The following BCAS3 variants were observed in gnomAD, a reference collection of about 807,000 sequenced individuals.
The protein encoded by BCAS3 is BCAS4/BCAS3 fusion.
In BCAS3, 53 loss-of-function variants were observed where a neutral mutation model predicts 116.1. The observed-to-expected ratio is 0.46, with a 90% CI of 0.37 to 0.57. The LOEUF (loss-of-function observed/expected upper bound fraction) is 0.57. Among genes scored for constraint, BCAS3 ranks in the 20% least tolerant of loss-of-function variants. BCAS3 has a pLI of 0.00. For synonymous variants in BCAS3, 391 were observed against 408.2 expected (o/e 0.96, Z 0.51); for missense variants, 917 against 1,165.4 (o/e 0.79, Z 3.10).
rs1052985411 is a variant in BCAS3, at chr17:61,208,446, C to A, written c.2425+123882C>A. Among the ~76,000 whole-genome samples the A allele has an allele frequency of 6.6e-6, 1 of 152,068 alleles. No homozygotes were observed. The highest frequency in any genetic ancestry group is 6.6e-5 in the Admixed American group (1 of 15,258). On this transcript the variant is annotated intron_variant, in intron 22 of 23. Transcript: ENST00000407086. The surrounding 1 kb of genome is among the most constrained non-coding windows in gnomAD (Gnocchi z 4.5). ...AGAAATGAAATGTGCTAGTAAGTGTCGTTAAAAAACTGAGAGTTTTTCTTC... is the reference window on the plus strand; with the variant it reads ...AGAAATGAAATGTGCTAGTAAGTGTAGTTAAAAAACTGAGAGTTTTTCTTC...
chr17:60,968,833 C>A (rs1440627612), intron 14 of BCAS3, among the ~76,000 whole-genome samples: 1 of 152,120 alleles, frequency 6.6e-6, no homozygotes, highest in Non-Finnish European at 1.5e-5. Context: ...TCTAGCCTCC[C>A]CACTTTGTCT....
chr17:61,391,920 G>GC lies in BCAS3; in HGVS notation c.2594-52dup, dbSNP rs2060152268. On this transcript the variant is annotated intron_variant, in intron 23 of 23. Coordinates refer to ENST00000407086, the MANE Select transcript of BCAS3 (RefSeq NM_017679.5). This position sits in a 1 kb window ranked among gnomAD's most constrained non-coding sequence, Gnocchi z 7.7. The stretch of plus-strand genomic sequence containing the variant: ...AGGCAGGCAGCCTGGCCCAGATGGT[G>GC]CCCCCACTCCCCAGACCCAACTCTA... 6.3e-7 allele frequency: 1 copy of GC among 1,575,752 alleles called. No individual in the cohort carries two copies. Among genetic ancestry groups the GC allele is most frequent in the African/African-American group, 1.4e-5 (1 of 73,998 alleles).
chr17:61,170,741 A>G (rs2144114333), intron 22 of BCAS3, among the ~76,000 whole-genome samples: 1 of 152,322 alleles, frequency 6.6e-6, no homozygotes, highest in East Asian at 1.9e-4. Flanking sequence ...GGTGGAGTGC[A>G]GCAGTCTTCA....
Position 61,055,834 on chromosome 17 carries a change from A to AT in BCAS3, c.2029+14945dup, listed in dbSNP as rs369676432. Reference sequence around the variant, plus strand: ...TTTTAAAAAATTGCCGTGTTTTTCCATTTATTTTCTAGAAATGATTTGCCT... The same window carrying AT: ...TTTTAAAAAATTGCCGTGTTTTTCCATTTTATTTTCTAGAAATGATTTGCCT... On this transcript the variant is annotated intron_variant, in intron 19 of 23. Transcript: ENST00000407086. 1.7e-3 allele frequency among the ~76,000 whole-genome samples: 255 copies of AT among 152,044 alleles called. 1 individual carries two copies. Among genetic ancestry groups the AT allele is most frequent in the African/African-American group, 5.3e-3 (221 of 41,462 alleles).
At position 61,068,673 on chromosome 17, in the gene BCAS3, A is replaced by T. The variant is rs1412092433; in HGVS notation, c.2030-6247A>T. On this transcript the variant is annotated intron_variant, in intron 19 of 23. Transcript: ENST00000407086. This position sits in a 1 kb window ranked among gnomAD's most constrained non-coding sequence, Gnocchi z 4.3. ...TAACTCTGCCCAAGATTGAAGACAT[A>T]AGTTTTCACCGCCATTGGTCCCTAA... Among the ~76,000 whole-genome samples, 1 of 152,104 alleles carries T rather than the reference A, an allele frequency of 6.6e-6. No individual in the cohort carries two copies. Among genetic ancestry groups the T allele is most frequent in the Non-Finnish European group, 1.5e-5 (1 of 68,022 alleles).
chr17:60,963,460 C>T (rs1282854382), intron 14 of BCAS3, among the ~76,000 whole-genome samples: 1 of 151,318 alleles, frequency 6.6e-6, no homozygotes, highest in Non-Finnish European at 1.5e-5. Context: ...AGATTGAGAC[C>T]TAGGAATTTT....
In BCAS3 at chr17:60,677,858, G is replaced by T. The variant is rs999618026; in HGVS notation, c.-62G>T. 6.5e-6 allele frequency: 1 copy of T among 153,302 alleles called. No homozygotes were observed. Among genetic ancestry groups the T allele is most frequent in the African/African-American group, 2.4e-5 (1 of 41,472 alleles). 9.5% of individuals were successfully genotyped at this position (153,302 alleles called of 1,614,324 possible). A position where few individuals can be genotyped will look rare whatever the true frequency, so the allele number is the denominator to read the frequency against. On this transcript the variant is annotated 5_prime_UTR_variant, in exon 1 of 24. Coordinates refer to ENST00000407086, the MANE Select transcript of BCAS3 (RefSeq NM_017679.5). ...AAGTGGCTGCCGTCAATCACTCGGG[G>T]AGACTCCAAACAGTGAGCCTAGAGC...
At position 61,243,804 on chromosome 17, in the gene BCAS3, A is replaced by G. The variant is rs562266266; in HGVS notation, c.2426-124523A>G. Among the ~76,000 whole-genome samples, 1 of 152,282 alleles carries G rather than the reference A, an allele frequency of 6.6e-6. No homozygotes were observed. The highest frequency in any genetic ancestry group is 1.5e-5 in the Non-Finnish European group (1 of 68,012). Reference sequence around the variant, plus strand: ...GATGAGTGTTTTGGTTCTTTCCTAAAGAGTTGGAATCTGCTCTGTCAACCA... The same window carrying G: ...GATGAGTGTTTTGGTTCTTTCCTAAGGAGTTGGAATCTGCTCTGTCAACCA... On this transcript the variant is annotated intron_variant, in intron 22 of 23. Coordinates refer to ENST00000407086, the MANE Select transcript of BCAS3 (RefSeq NM_017679.5). This position sits in a 1 kb window ranked among gnomAD's most constrained non-coding sequence, Gnocchi z 5.6.
At chr17:61,192,138 C>G (rs1456849552) in intron 22 of BCAS3, among the ~76,000 whole-genome samples, 1 of 148,196 alleles carries the variant, frequency 6.7e-6, no homozygotes, top group Non-Finnish European at 1.5e-5. Flanking sequence ...CCCAGCTACT[C>G]AGGAGGCTGA....
Position 61,151,220 on chromosome 17 carries a change from T to C in BCAS3, c.2425+66656T>C, listed in dbSNP as rs1468420291. On this transcript the variant is annotated intron_variant, in intron 22 of 23. Transcript: ENST00000407086. The surrounding 1 kb of genome is among the most constrained non-coding windows in gnomAD (Gnocchi z 4.8). ...GTGCCAATATTACACTCTAAGGCAA[T>C]GTTCATTGGAGGATTTTCGATCTTC... Among the ~76,000 whole-genome samples, 1 of 152,176 alleles carries C rather than the reference T, an allele frequency of 6.6e-6. No individual in the cohort carries two copies. Among genetic ancestry groups the C allele is most frequent in the East Asian group, 1.9e-4 (1 of 5,202 alleles).
intron 22 of BCAS3, among the ~76,000 whole-genome samples, chr17:61,175,081 G>A (rs1005637367): frequency 4.6e-5 from 7 of 152,202 alleles, no homozygotes; most frequent in African/African-American, 1.7e-4. Flanking sequence ...TAGTCCTGCT[G>A]CATCCTGAGG....
intron 16 of BCAS3, among the ~76,000 whole-genome samples, chr17:61,016,103 G>A (rs1403748077): frequency 6.6e-6 from 1 of 152,044 alleles, no homozygotes; most frequent in Non-Finnish European, 1.5e-5. Flanking sequence ...CACATTCATC[G>A]AGAAAAACAA....
rs2061143092 is a variant in BCAS3 at position 60,956,548 on chromosome 17, T to C, written c.1221+9196T>C. 6.6e-6 allele frequency among the ~76,000 whole-genome samples: 1 copy of C among 152,222 alleles called. No individual in the cohort carries two copies. Among genetic ancestry groups the C allele is most frequent in the Admixed American group, 6.5e-5 (1 of 15,290 alleles). On this transcript the variant is annotated intron_variant, in intron 14 of 23. Transcript: ENST00000407086. The surrounding 1 kb of genome is among the most constrained non-coding windows in gnomAD (Gnocchi z 4.2). ...CTCTTTGTATTAAAGTTATTTGCCA[T>C]TTAATTTATCTATAAGTTCAATATG...
intron 22 of BCAS3, among the ~76,000 whole-genome samples, chr17:61,299,847 C>T (rs536292126): frequency 6.6e-6 from 1 of 152,202 alleles, no homozygotes; most frequent in African/African-American, 2.4e-5. Flanking sequence ...CCCAGGAGAA[C>T]TGTATTTTCT....
intron 6 of BCAS3, among the ~76,000 whole-genome samples, chr17:60,788,079 G>A (rs2046436531): frequency 6.6e-6 from 1 of 152,024 alleles, no homozygotes; most frequent in South Asian, 2.1e-4. Context: ...AGTACTATGT[G>A]GCGTATTGGT....
chr17:60,719,858 T>C (rs2039046493), intron 5 of BCAS3, among the ~76,000 whole-genome samples: 1 of 152,190 alleles, frequency 6.6e-6, no homozygotes, highest in African/African-American at 2.4e-5. Flanking sequence ...CCAAAAACCA[T>C]GGTAAGTGGT....
At chr17:60,918,048 A>G (rs923565564) in intron 12 of BCAS3, among the ~76,000 whole-genome samples, 3 of 152,048 alleles carry the variant, frequency 2.0e-5, no homozygotes, top group East Asian at 1.9e-4. Context: ...TTACCAAGCT[A>G]TTTTTCACAG....
At chr17:60,850,844 C>G (rs985800228) in intron 7 of BCAS3, among the ~76,000 whole-genome samples, 7 of 152,102 alleles carry the variant, frequency 4.6e-5, no homozygotes, top group African/African-American at 1.4e-4. Flanking sequence ...CAACAAAATA[C>G]TGATACATGA....
In BCAS3 at chr17:61,276,010, G is replaced by T. The variant is rs1015483116; in HGVS notation, c.2426-92317G>T. Among the ~76,000 whole-genome samples the T allele has an allele frequency of 6.6e-6, 1 of 151,994 alleles. No individual in the cohort carries two copies. The highest frequency in any genetic ancestry group is 1.5e-5 in the Non-Finnish European group (1 of 68,004). ...GCCTTAGGTATAAAACCTTATAAACGGCAACCTATTTTGCAAGGTTGTAGG... is the reference window on the plus strand; with the variant it reads ...GCCTTAGGTATAAAACCTTATAAACTGCAACCTATTTTGCAAGGTTGTAGG... On this transcript the variant is annotated intron_variant, in intron 22 of 23. Coordinates refer to ENST00000407086, the MANE Select transcript of BCAS3 (RefSeq NM_017679.5). The surrounding 1 kb of genome is among the most constrained non-coding windows in gnomAD (Gnocchi z 4.2).
Sources: allele counts gnomAD v4.1 joint callset (sites outside exome capture counted in the v4.1 genomes callset), GRCh38; gene constraint gnomAD v4.1.1; non-coding constraint Gnocchi (gnomAD v3.1); transcripts MANE v1.5; gene names NCBI Gene and HGNC (gene_info 2026-07-23, HGNC 2026-07-21).